Variants in AMPH observed in about 807,000 individuals in gnomAD.
The protein encoded by AMPH is amphiphysin, also known as amphiphysin (Stiff-Mann syndrome with breast cancer 128kD autoantigen).
AMPH carries 49 observed loss-of-function variants against 99.1 expected under a neutral mutation model. The ratio of observed to expected loss-of-function variants is 0.49; its 90% CI spans 0.39 to 0.63. The LOEUF is 0.63. Among genes scored for constraint, AMPH ranks in the 20% least tolerant of loss-of-function variants. The pLI is 0.00. For synonymous variants in AMPH, 314 were observed against 317.3 expected, an observed-to-expected ratio of 0.99 and a Z score of 0.11; for missense variants, 759 against 863.4, an observed-to-expected ratio of 0.88 and a Z score of 1.52.
chr7:38,400,357 A>C (rs1963818), intron 17 of AMPH, among the ~76,000 whole-genome samples: 147,122 of 152,330 alleles, frequency 0.97, 71,104 homozygotes, highest in East Asian at 1. Flanking sequence ...GGATTACAGG[A>C]ATGAGCCACC....
At chr7:38,470,092 C>T (rs1442185227) in intron 7 of AMPH, among the ~76,000 whole-genome samples, 1 of 152,190 alleles carries the variant, frequency 6.6e-6, no homozygotes, top group Admixed American at 6.5e-5. Context: ...CCTCAACACT[C>T]TCTGGTCAGT....
intron 9 of AMPH, among the ~76,000 whole-genome samples, chr7:38,464,321 C>A (rs568852791): frequency 6.3e-4 from 96 of 152,284 alleles, no homozygotes; most frequent in Non-Finnish European, 1.0e-3. Context: ...TCGTGCCTAG[C>A]CCCATACTGA....
At chr7:38,524,182 T>C (rs556944662) in intron 2 of AMPH, among the ~76,000 whole-genome samples, 1 of 152,220 alleles carries the variant, frequency 6.6e-6, no homozygotes, top group Admixed American at 6.5e-5. Flanking sequence ...GAGAAAAGTA[T>C]CGGGCAAATC....
intron 1 of AMPH, among the ~76,000 whole-genome samples, chr7:38,577,655 G>C (rs1792296594): frequency 6.6e-6 from 1 of 151,864 alleles, no homozygotes; most frequent in East Asian, 1.9e-4. Context: ...AGAGGAGAAG[G>C]GAGGGAGGAA....
At chr7:38,533,576 C>T (rs1186573876) in intron 2 of AMPH, among the ~76,000 whole-genome samples, 2 of 152,076 alleles carry the variant, frequency 1.3e-5, no homozygotes, top group East Asian at 3.9e-4. Flanking sequence ...AGAGCAGGAA[C>T]CCTGATACAC....
chr7:38,483,764 A>C (rs547957372), intron 5 of AMPH, among the ~76,000 whole-genome samples: 2 of 152,298 alleles, frequency 1.3e-5, no homozygotes, highest in East Asian at 3.9e-4. Flanking sequence ...ATTTAAAAAC[A>C]GGGAAATATG....
At chr7:38,405,706 C>T (rs921166520) in intron 17 of AMPH, among the ~76,000 whole-genome samples, 1 of 152,002 alleles carries the variant, frequency 6.6e-6, no homozygotes, top group African/African-American at 2.4e-5. Context: ...AACACCAGAG[C>T]ACCCAGATTT....
At position 38,433,738 on chromosome 7, in the gene AMPH, A is replaced by AAAAAAC. The variant is rs1554335589; in HGVS notation, c.1135-1527_1135-1526insGTTTTT. The stretch of plus-strand genomic sequence containing the variant: ...AGACTCCGTCTCAAAAAAAAAAAAA[A>AAAAAAC]AAAAAAAAGAATCAAAGATCATAAA... On this transcript the variant is annotated intron_variant, in intron 12 of 20. Coordinates refer to ENST00000356264, the MANE Select transcript of AMPH (RefSeq NM_001635.4). Among the ~76,000 whole-genome samples, 174 of 148,048 alleles carry AAAAAAC rather than the reference A, an allele frequency of 1.2e-3. 6 individuals are homozygous for AAAAAAC. Among genetic ancestry groups the AAAAAAC allele is most frequent in the African/African-American group, 4.3e-3 (169 of 39,680 alleles).
intron 1 of AMPH, among the ~76,000 whole-genome samples, chr7:38,543,068 C>T (rs934097247): frequency 6.7e-6 from 1 of 148,256 alleles, no homozygotes; most frequent in Non-Finnish European, 1.5e-5. Flanking sequence ...CACTCCAGCC[C>T]AGGTGACAGA....
chr7:38,616,739 TAA>T (rs1002124897), intron 1 of AMPH, among the ~76,000 whole-genome samples: 1 of 152,194 alleles, frequency 6.6e-6, no homozygotes, highest in Non-Finnish European at 1.5e-5. Context: ...GTAAAATTCA[TAA>T]GAGTATATAC....
intron 1 of AMPH, 126 bp downstream of exon 1, chr7:38,631,157 G>T: frequency 1.2e-6 from 1 of 841,042 alleles, no homozygotes; most frequent in Non-Finnish European, 1.5e-6. Context: ...CAGCGTCCCT[G>T]GCCCCGGCCC....
chr7:38,530,082 C>T (rs1790337783), intron 2 of AMPH, among the ~76,000 whole-genome samples: 1 of 152,162 alleles, frequency 6.6e-6, no homozygotes, highest in African/African-American at 2.4e-5. Flanking sequence ...TAAAAATGTA[C>T]TCCAGGAATG....
intron 1 of AMPH, among the ~76,000 whole-genome samples, chr7:38,542,819 G>A (rs922721207): frequency 1.3e-5 from 2 of 152,024 alleles, no homozygotes; most frequent in African/African-American, 4.8e-5. Context: ...AAATTGTCCG[G>A]GTGCAGTAGC....
intron 1 of AMPH, among the ~76,000 whole-genome samples, chr7:38,615,313 G>C (rs866835800): frequency 2.6e-4 from 40 of 152,120 alleles, no homozygotes; most frequent in Admixed American, 1.6e-3. Flanking sequence ...AGCCTAGCAG[G>C]GGAAACACCC....
intron 1 of AMPH, among the ~76,000 whole-genome samples, chr7:38,569,887 A>C (rs1425970933): frequency 6.6e-6 from 1 of 152,246 alleles, no homozygotes; most frequent in Non-Finnish European, 1.5e-5. Flanking sequence ...TAAAAACAGA[A>C]AACCAAAATA....
At chr7:38,513,821 C>T (rs1789632701) in intron 2 of AMPH, among the ~76,000 whole-genome samples, 1 of 152,192 alleles carries the variant, frequency 6.6e-6, no homozygotes, top group South Asian at 2.1e-4. Context: ...CTCCTCCTGC[C>T]TACTCAAGGG....
intron 17 of AMPH, among the ~76,000 whole-genome samples, chr7:38,409,447 T>C (rs538765437): frequency 1.1e-3 from 175 of 152,224 alleles, no homozygotes; most frequent in Non-Finnish European, 1.9e-3. Context: ...GTGAACTATA[T>C]TTAAAACAAT....
intron 11 of AMPH, among the ~76,000 whole-genome samples, chr7:38,454,283 A>G (rs1177658164): frequency 6.6e-6 from 1 of 152,140 alleles, no homozygotes; most frequent in African/African-American, 2.4e-5. Flanking sequence ...TCAATACACC[A>G]TCTCTGCTAT....
At chr7:38,565,879 C>T (rs1270202146) in intron 1 of AMPH, among the ~76,000 whole-genome samples, 1 of 152,076 alleles carries the variant, frequency 6.6e-6, no homozygotes, top group Non-Finnish European at 1.5e-5. Flanking sequence ...TAAAACAGTT[C>T]CATTTAAAAG....
Sources: allele counts gnomAD v4.1 joint callset (sites outside exome capture counted in the v4.1 genomes callset), GRCh38; gene constraint gnomAD v4.1.1; transcripts MANE v1.5; gene names NCBI Gene and HGNC (gene_info 2026-07-23, HGNC 2026-07-21).